BMAL1: variants seen among roughly 807,000 people sequenced by gnomAD.
The protein encoded by BMAL1 is basic helix-loop-helix ARNT-like protein 1.
the BMAL1 span, among the ~76,000 whole-genome samples, chr11:13,370,559 C>G: frequency 6.6e-6 from 1 of 152,204 alleles, no homozygotes; most frequent in East Asian, 1.9e-4. Flanking sequence ...TTCACCACCC[C>G]ACTCTTCAAT....
chr11:13,347,639 G>A, the BMAL1 span, among the ~76,000 whole-genome samples: 2 of 151,734 alleles, frequency 1.3e-5, no homozygotes, highest in Admixed American at 6.6e-5. Context: ...TTGAGCCCAG[G>A]ACTTTGAGAC....
chr11:13,357,018 A>C, the BMAL1 span: 5 of 1,614,030 alleles, frequency 3.1e-6, no homozygotes, highest in East Asian at 1.1e-4. The surrounding 1 kb of genome is among the most constrained non-coding windows in gnomAD (Gnocchi z 4.8). Flanking sequence ...ATCTCCAGAG[A>C]ATTATGTTTT....
chr11:13,361,216 G>A, the BMAL1 span, among the ~76,000 whole-genome samples: 1 of 152,160 alleles, frequency 6.6e-6, no homozygotes, highest in Non-Finnish European at 1.5e-5. Context: ...CTAAATCTCT[G>A]CTGGGAGATG....
the BMAL1 span, among the ~76,000 whole-genome samples, chr11:13,285,103 C>T: frequency 6.6e-6 from 1 of 152,176 alleles, no homozygotes; most frequent in Non-Finnish European, 1.5e-5. Context: ...CCTCTGATAA[C>T]ATTTGTTCCC....
At chr11:13,328,012 T>C in the BMAL1 span, among the ~76,000 whole-genome samples, 59,077 of 151,988 alleles carry the variant, frequency 0.39, 11,804 homozygotes, top group East Asian at 0.64. Context: ...TTGGCAACAC[T>C]ATACCTGTTT....
At chr11:13,315,939 C>T in the BMAL1 span, among the ~76,000 whole-genome samples, 186 of 152,314 alleles carry the variant, frequency 1.2e-3, 1 homozygote, top group South Asian at 0.02. Flanking sequence ...GGGGTTTGGC[C>T]GTCACCCTCA....
the BMAL1 span, among the ~76,000 whole-genome samples, chr11:13,284,095 TG>T: frequency 1.1e-5 from 1 of 88,230 alleles, no homozygotes; most frequent in African/African-American, 3.6e-5. Context: ...TGTGTGTGTG[TG>T]TGTGTGTGTG....
At chr11:13,316,293 G>T in the BMAL1 span, among the ~76,000 whole-genome samples, 2 of 152,174 alleles carry the variant, frequency 1.3e-5, no homozygotes, top group Non-Finnish European at 2.9e-5. Context: ...CTTAAGAGAA[G>T]CTGCTTCATG....
At chr11:13,278,776 G>A in the BMAL1 span, among the ~76,000 whole-genome samples, 3 of 152,372 alleles carry the variant, frequency 2.0e-5, no homozygotes, top group Admixed American at 6.5e-5. Context: ...GGCGCAGCGA[G>A]CCTGGCTCCA....
At chr11:13,365,691 ACTT>A in the BMAL1 span, 1 of 909,410 alleles carries the variant, frequency 1.1e-6, no homozygotes, top group Non-Finnish European at 1.7e-6. Context: ...TCACATGTGA[ACTT>A]CTTCCAGAAA....
chr11:13,382,289 T>C, the BMAL1 span, among the ~76,000 whole-genome samples: 2 of 84,132 alleles, frequency 2.4e-5, no homozygotes, highest in East Asian at 2.4e-4. Flanking sequence ...TGGGTAAGAC[T>C]ACAAAGTAAG....
chr11:13,280,434 G>A, the BMAL1 span, among the ~76,000 whole-genome samples: 1 of 152,228 alleles, frequency 6.6e-6, no homozygotes, highest in African/African-American at 2.4e-5. Flanking sequence ...GTAAAAACTA[G>A]ATAGTTAATA....
At chr11:13,330,501 G>A in the BMAL1 span, among the ~76,000 whole-genome samples, 1 of 152,186 alleles carries the variant, frequency 6.6e-6, no homozygotes. Context: ...CTAATTATGG[G>A]GTTGCCAGCA....
At chr11:13,338,186 G>A in the BMAL1 span, among the ~76,000 whole-genome samples, 2 of 151,784 alleles carry the variant, frequency 1.3e-5, no homozygotes, top group Non-Finnish European at 2.9e-5. Flanking sequence ...TGAAGTTTGT[G>A]GGTTTTTTTT....
At chr11:13,356,699 CTTTA>C in the BMAL1 span, 1 of 1,611,654 alleles carries the variant, frequency 6.2e-7, no homozygotes, top group Admixed American at 1.7e-5. Flanking sequence ...TTCTGTATGT[CTTTA>C]TTAACATGCA....
the BMAL1 span, among the ~76,000 whole-genome samples, chr11:13,385,378 T>C: frequency 4.6e-5 from 7 of 152,228 alleles, no homozygotes; most frequent in Admixed American, 4.6e-4. Context: ...GCTGGGCTCA[T>C]TGAAGTTTAG....
At chr11:13,284,077 G>GAT in the BMAL1 span, among the ~76,000 whole-genome samples, 1 of 85,632 alleles carries the variant, frequency 1.2e-5, no homozygotes, top group Non-Finnish European at 2.2e-5. Flanking sequence ...ACAGTGTTGG[G>GAT]GTGTGTGTGT....
chr11:13,304,860 C>T, the BMAL1 span, among the ~76,000 whole-genome samples: 74 of 152,310 alleles, frequency 4.9e-4, no homozygotes, highest in African/African-American at 1.6e-3. Flanking sequence ...GCCAGCGGTC[C>T]GGTTGGCTCC....
chr11:13,359,563 G>GA, the BMAL1 span, among the ~76,000 whole-genome samples: 11 of 152,146 alleles, frequency 7.2e-5, no homozygotes, highest in Non-Finnish European at 4.4e-5. Flanking sequence ...AAAGAGCAGG[G>GA]ATAGGGATCA....
Sources: gnomAD v4.1 joint callset for allele counts (sites outside exome capture counted in the v4.1 genomes callset) on GRCh38, gnomAD v4.1.1 for gene constraint, Gnocchi (gnomAD v3.1) non-coding constraint, MANE v1.5 for transcripts, NCBI Gene and HGNC (gene_info 2026-07-23, HGNC 2026-07-21) for gene names.